Variants in CIT observed in about 807,000 individuals in gnomAD.
CIT encodes the protein citron rho-interacting serine/threonine kinase, also known as citron Rho-interacting kinase.
In CIT, 79 loss-of-function variants were observed where a neutral mutation model predicts 272.7. The observed-to-expected ratio is 0.29, with a 90% CI of 0.24 to 0.35. The LOEUF is 0.35. Among genes scored for constraint, CIT ranks in the 10% least tolerant of loss-of-function variants. The pLI, the probability that CIT is intolerant of heterozygous loss-of-function variation, is 1.00. For missense variants in CIT, 1,909 were observed against 2,618.3 expected (o/e 0.73, Z 5.91); for synonymous variants, 948 against 995.6 (o/e 0.95, Z 0.90).
At chr12:119,741,063 C>T (rs1294823569) in intron 24 of CIT, among the ~76,000 whole-genome samples, 1 of 151,956 alleles carries the variant, frequency 6.6e-6, no homozygotes, top group East Asian at 1.9e-4. Flanking sequence ...ACAGCTTGAT[C>T]CATTATGGAA....
intron 10 of CIT, among the ~76,000 whole-genome samples, chr12:119,801,855 A>G (rs1488293140): frequency 6.6e-6 from 1 of 152,202 alleles, no homozygotes; most frequent in Non-Finnish European, 1.5e-5. Flanking sequence ...AGGCACATCT[A>G]ACACTACCAA....
chr12:119,729,912 C>G (rs1011828746), intron 27 of CIT, among the ~76,000 whole-genome samples: 2 of 152,140 alleles, frequency 1.3e-5, no homozygotes, highest in Non-Finnish European at 2.9e-5. Flanking sequence ...AACGCTGAAG[C>G]GCCTATTCTG....
chr12:119,689,695 T>TTTTTTTTTTTTTG (rs1555213865), intron 47 of CIT, among the ~76,000 whole-genome samples: 1 of 142,202 alleles, frequency 7.0e-6, no homozygotes, highest in African/African-American at 2.7e-5. Flanking sequence ...TTTTTTTTTT[T>TTTTTTTTTTTTTG]AAGACAGAGT....
Position 119,710,515 on chromosome 12 carries a change from C to T in CIT, c.4935+25G>A, listed in dbSNP as rs758593426. On this transcript the variant is annotated intron_variant, in intron 38 of 47. Transcript: ENST00000392521. This position sits in a 1 kb window ranked among gnomAD's most constrained non-coding sequence, Gnocchi z 5.6. ...GGGTGTGGCTGTAACCAGACACCAGCTGGCCGTGCCCATGCAAGCATTACC... is the reference window on the plus strand; with the variant it reads ...GGGTGTGGCTGTAACCAGACACCAGTTGGCCGTGCCCATGCAAGCATTACC... The T allele has an allele frequency of 4.3e-6, 7 of 1,613,944 alleles. 1 individual carries two copies. The South Asian group carries it at 7.7e-5, about 18-fold the overall frequency.
At chr12:119,729,210 G>C (rs140953008) in intron 27 of CIT, among the ~76,000 whole-genome samples, 132 of 152,210 alleles carry the variant, frequency 8.7e-4, no homozygotes, top group African/African-American at 3.1e-3. Context: ...AAACATAAAA[G>C]GCCTCACATA....
intron 28 of CIT, among the ~76,000 whole-genome samples, chr12:119,725,463 C>T (rs1468022304): frequency 1.3e-5 from 2 of 152,050 alleles, no homozygotes; most frequent in African/African-American, 4.8e-5. Context: ...AAAGTCTCCG[C>T]ACCTACGAAG....
chr12:119,872,072 ACAC>A (rs953388478), intron 2 of CIT, among the ~76,000 whole-genome samples: 4 of 152,202 alleles, frequency 2.6e-5, no homozygotes, highest in East Asian at 1.9e-4. Context: ...GAAAAAATGA[ACAC>A]CACATGATAT....
chr12:119,810,133 C>T (rs768198388), intron 9 of CIT, among the ~76,000 whole-genome samples: 5 of 152,192 alleles, frequency 3.3e-5, no homozygotes, highest in Non-Finnish European at 5.9e-5. Context: ...AGCCAGTCAG[C>T]GAGAAGTTCC....
At chr12:119,813,799 A>C (rs983191169) in intron 9 of CIT, among the ~76,000 whole-genome samples, 1 of 152,206 alleles carries the variant, frequency 6.6e-6, no homozygotes, top group Non-Finnish European at 1.5e-5. Context: ...GCCAGGGTAC[A>C]CTTCCGAGGG....
chr12:119,696,120 TGG>T (rs1208905649), intron 46 of CIT, among the ~76,000 whole-genome samples: 1 of 152,140 alleles, frequency 6.6e-6, no homozygotes, highest in African/African-American at 2.4e-5. Flanking sequence ...GGTGGGGACC[TGG>T]GGAGAGGGAG....
chr12:119,843,298 G>C (rs1969536081), intron 5 of CIT, among the ~76,000 whole-genome samples: 1 of 152,158 alleles, frequency 6.6e-6, no homozygotes, highest in East Asian at 1.9e-4. Flanking sequence ...AGTCTTGAAG[G>C]GTTTCAACAG....
At position 119,706,045 on chromosome 12, in the gene CIT, G is replaced by A. The variant is rs141735767; in HGVS notation, c.5212-1590C>T. Among the ~76,000 whole-genome samples the A allele has an allele frequency of 1.8e-4, 27 of 149,862 alleles. 1 individual carries two copies. The highest frequency in any genetic ancestry group is 5.4e-4 in the African/African-American group (22 of 40,642). On this transcript the variant is annotated intron_variant, in intron 40 of 47. Transcript: ENST00000392521. ...GCAGAGGCTACAGTGAGCCAAGATC[G>A]TGCCGCTGTGCTCCAGCCTGGGTGA...
At chr12:119,726,888 A>G (rs1264492208) in intron 28 of CIT, among the ~76,000 whole-genome samples, 1 of 152,196 alleles carries the variant, frequency 6.6e-6, no homozygotes, top group Non-Finnish European at 1.5e-5. Context: ...GGATGGGTTT[A>G]GAAGATCAGT....
chr12:119,821,872 T>C (rs1030254424), intron 9 of CIT, among the ~76,000 whole-genome samples: 3 of 152,164 alleles, frequency 2.0e-5, no homozygotes, highest in African/African-American at 7.2e-5. Flanking sequence ...TTTATGGAAA[T>C]GCGACCTACT....
At chr12:119,688,981 C>G (rs953298557) in intron 47 of CIT, among the ~76,000 whole-genome samples, 2 of 124,982 alleles carry the variant, frequency 1.6e-5, no homozygotes, top group African/African-American at 6.4e-5. Context: ...GGCAACATAG[C>G]GACATTATGT....
At chr12:119,764,637 G>C (rs11064894) in intron 19 of CIT, among the ~76,000 whole-genome samples, 1 of 148,474 alleles carries the variant, frequency 6.7e-6, no homozygotes, top group East Asian at 2.0e-4. Flanking sequence ...AGAAAGAAAA[G>C]AAAAAACCTC....
chr12:119,876,187 A>G lies in CIT; in HGVS notation c.-13-6T>C, dbSNP rs1950839245. 6.3e-7 allele frequency: 1 copy of G among 1,587,702 alleles called. No homozygotes were observed. The highest frequency in any genetic ancestry group is 1.1e-5 in the South Asian group (1 of 90,270). ...TCAACATCTCCCCACTGGCGCTGAA[A>G]GGATATCAGAAAAGTCAAGTGTGTC... On this transcript the variant is annotated splice_polypyrimidine_tract_variant and splice_region_variant and intron_variant, in intron 1 of 47. Transcript: ENST00000392521.
At chr12:119,733,552 A>C (rs547375825) in intron 26 of CIT, among the ~76,000 whole-genome samples, 22 of 151,556 alleles carry the variant, frequency 1.5e-4, no homozygotes, top group African/African-American at 4.6e-4. Flanking sequence ...AACAAAAAAA[A>C]CCCACTAAAC....
chr12:119,701,954 A>G lies in CIT; in HGVS notation c.5309T>C (p.Ile1770Thr). The G allele has an allele frequency of 6.2e-7, 1 of 1,608,912 alleles. No individual in the cohort carries two copies. The highest frequency in any genetic ancestry group is 8.5e-7 in the Non-Finnish European group (1 of 1,175,360). Residue 1770 changes from isoleucine (I) to threonine (T), a missense_variant, in exon 42 of 48, where the codon ATA (isoleucine) becomes ACA (threonine). Transcript: ENST00000392521. ...ACAGCTGCAGGGCTCTGAGGTCTCT[A>G]TCTCCTGAGACATGAGAGCAGAAGA... The part of the protein sequence containing the change: ...NLSKYCIRKE[I>T]ETSEPCSCIH...
Sources: gnomAD v4.1 joint callset for allele counts (sites outside exome capture counted in the v4.1 genomes callset) on GRCh38, gnomAD v4.1.1 for gene constraint, Gnocchi (gnomAD v3.1) non-coding constraint, MANE v1.5 for transcripts, NCBI Gene and HGNC (gene_info 2026-07-23, HGNC 2026-07-21) for gene names.